COMMD10: variants seen among roughly 807,000 people sequenced by gnomAD.
COMMD10 encodes the protein COMM domain-containing protein 10.
COMMD10 carries 33 observed loss-of-function variants against 28.9 expected under a neutral mutation model. That is an observed-to-expected ratio of 1.14 (90% confidence interval 0.87 to 1.53). The LOEUF (loss-of-function observed/expected upper bound fraction) is 1.53, where lower values mean the gene tolerates loss of function less well. Ranked by LOEUF, COMMD10 falls within the 40% of genes most tolerant of loss-of-function variation. COMMD10 has a pLI of 0.00. For synonymous variants in COMMD10, 110 were observed against 81.7 expected (o/e 1.35, Z -1.87); for missense variants, 310 against 233.4 (o/e 1.33, Z -2.14).
At chr5:116,210,335 C>T (rs868141472) in intron 5 of COMMD10, among the ~76,000 whole-genome samples, 49 of 146,848 alleles carry the variant, frequency 3.3e-4, no homozygotes, top group African/African-American at 1.1e-3. Context: ...TATATATATA[C>T]ATATATATAC....
intron 5 of COMMD10, among the ~76,000 whole-genome samples, chr5:116,188,754 A>G (rs7717931): frequency 0.31 from 47,249 of 150,354 alleles, 10,231 homozygotes; most frequent in African/African-American, 0.62. Flanking sequence ...TCAGCCTCCC[A>G]AGTAGCTGAG....
chr5:116,118,877 G>C (rs1431361179), intron 4 of COMMD10, among the ~76,000 whole-genome samples: 2 of 152,148 alleles, frequency 1.3e-5, no homozygotes, highest in Admixed American at 6.6e-5. Context: ...TAAGTAATTG[G>C]CTGAAACCAG....
chr5:116,201,574 G>C (rs1450480791), intron 5 of COMMD10, among the ~76,000 whole-genome samples: 1 of 152,050 alleles, frequency 6.6e-6, no homozygotes, highest in African/African-American at 2.4e-5. Flanking sequence ...CCTATGACTT[G>C]ACTTCTCTTA....
intron 5 of COMMD10, among the ~76,000 whole-genome samples, chr5:116,151,271 T>C (rs1206283598): frequency 6.6e-6 from 1 of 152,030 alleles, no homozygotes. Flanking sequence ...CAGTATTTTA[T>C]TGAGGATTTT....
chr5:116,169,969 G>A (rs928196307), intron 5 of COMMD10, among the ~76,000 whole-genome samples: 9 of 152,082 alleles, frequency 5.9e-5, no homozygotes, highest in African/African-American at 2.2e-4. Flanking sequence ...ATTCATCATA[G>A]TATGGGAAGC....
At chr5:116,121,964 C>T (rs986142311) in intron 4 of COMMD10, among the ~76,000 whole-genome samples, 5 of 152,052 alleles carry the variant, frequency 3.3e-5, no homozygotes, top group African/African-American at 4.8e-5. Flanking sequence ...TTTCTTTTGT[C>T]ATGCAGAAGC....
At chr5:116,238,132 A>G (rs1749722248) in intron 5 of COMMD10, among the ~76,000 whole-genome samples, 1 of 152,158 alleles carries the variant, frequency 6.6e-6, no homozygotes, top group Non-Finnish European at 1.5e-5. Context: ...AACTGTTTAG[A>G]CCAATATGAA....
At position 116,091,198 on chromosome 5, in the gene COMMD10, A is replaced by G. The variant is rs1163896218; in HGVS notation, c.243+9A>G. Reference sequence around the variant, plus strand: ...CATTTATTTTAGAACAGGTATTTTTATTGCATCAAATTTTCTAGCCATGAT... The same window carrying G: ...CATTTATTTTAGAACAGGTATTTTTGTTGCATCAAATTTTCTAGCCATGAT... On this transcript the variant is annotated intron_variant, in intron 3 of 6. Coordinates refer to ENST00000274458, the MANE Select transcript of COMMD10 (RefSeq NM_016144.4). The G allele has an allele frequency of 7.0e-7, 1 of 1,420,254 alleles. No homozygotes were observed. The highest frequency in any genetic ancestry group is 9.9e-7 in the Non-Finnish European group (1 of 1,011,322). The allele number at this position is 1,420,254 out of a possible 1,614,324, so 88.0% of individuals were successfully genotyped here.
intron 5 of COMMD10, among the ~76,000 whole-genome samples, chr5:116,256,995 G>T (rs1750307033): frequency 6.6e-6 from 1 of 151,684 alleles, no homozygotes; most frequent in Non-Finnish European, 1.5e-5. Context: ...CAGCATAATA[G>T]CATCAAACAA....
chr5:116,167,005 G>T (rs563079774), intron 5 of COMMD10, among the ~76,000 whole-genome samples: 1 of 152,014 alleles, frequency 6.6e-6, no homozygotes, highest in Admixed American at 6.6e-5. Context: ...TGAGTTTGAC[G>T]AATTGACAGA....
At chr5:116,224,568 G>A (rs1351627125) in intron 5 of COMMD10, among the ~76,000 whole-genome samples, 5 of 152,124 alleles carry the variant, frequency 3.3e-5, no homozygotes, top group African/African-American at 4.8e-5. Context: ...GTCCGGGGCC[G>A]CGGTGCCGCA....
intron 5 of COMMD10, among the ~76,000 whole-genome samples, chr5:116,177,754 T>C (rs1398104294): frequency 6.6e-6 from 1 of 152,190 alleles, no homozygotes; most frequent in Non-Finnish European, 1.5e-5. Flanking sequence ...ACTTATATGC[T>C]ACCTTGTTTG....
At chr5:116,215,207 A>C (rs7735094) in intron 5 of COMMD10, among the ~76,000 whole-genome samples, 48,401 of 151,480 alleles carry the variant, frequency 0.32, 10,892 homozygotes, top group African/African-American at 0.65. Context: ...AAATGGGTAA[A>C]AAATTTGGGT....
At position 116,208,689 on chromosome 5, in the gene COMMD10, G is replaced by A. The variant is rs570497269; in HGVS notation, c.510+74511G>A. The stretch of plus-strand genomic sequence containing the variant: ...TTTCACTGTGTGAATAGACATAGAG[G>A]TGACCACACGTTTTTTTCTTGTCTT... On this transcript the variant is annotated intron_variant, in intron 5 of 6. Transcript: ENST00000274458. Among the ~76,000 whole-genome samples, 5 of 29,402 alleles carry A rather than the reference G, an allele frequency of 1.7e-4. No individual in the cohort carries two copies. In the South Asian group the frequency reaches 0.012, roughly 71 times the overall value. 19.3% of individuals were successfully genotyped at this position (29,402 alleles called of 152,430 possible).
chr5:116,137,093 C>G (rs879892294), intron 5 of COMMD10, among the ~76,000 whole-genome samples: 1 of 152,086 alleles, frequency 6.6e-6, no homozygotes, highest in African/African-American at 2.4e-5. Context: ...CTCTTTTCCT[C>G]AATGAACTGC....
intron 4 of COMMD10, among the ~76,000 whole-genome samples, chr5:116,125,093 G>T (rs138801608): frequency 5.7e-4 from 87 of 152,100 alleles, no homozygotes; most frequent in Non-Finnish European, 1.1e-3. Context: ...TGATCCTGTC[G>T]TTATGATGTT....
Position 116,271,807 on chromosome 5 carries a change from A to G in COMMD10, c.511-19710A>G, listed in dbSNP as rs532011463. On this transcript the variant is annotated intron_variant, in intron 5 of 6. Coordinates refer to ENST00000274458, the MANE Select transcript of COMMD10 (RefSeq NM_016144.4). ...AACTCTTAGGCCATTATTTCCCCCT[A>G]CTTTACATAATATTGCTCCATACAA... 9.2e-5 allele frequency among the ~76,000 whole-genome samples: 14 copies of G among 151,920 alleles called. 1 individual carries two copies. The highest frequency in any genetic ancestry group is 2.1e-4 in the South Asian group (1 of 4,820).
intron 5 of COMMD10, among the ~76,000 whole-genome samples, chr5:116,147,453 T>C (rs1220844280): frequency 3.3e-5 from 5 of 151,924 alleles, no homozygotes; most frequent in Admixed American, 2.6e-4. Flanking sequence ...TTCCTAAGTA[T>C]AATCAATGAA....
intron 5 of COMMD10, among the ~76,000 whole-genome samples, chr5:116,146,332 G>T (rs1392032682): frequency 6.6e-6 from 1 of 151,802 alleles, no homozygotes; most frequent in African/African-American, 2.4e-5. Context: ...ATTTCATAAT[G>T]AGCCCATTAC....
Sources: gnomAD v4.1 joint callset for allele counts (sites outside exome capture counted in the v4.1 genomes callset) on GRCh38, gnomAD v4.1.1 for gene constraint, MANE v1.5 for transcripts, NCBI Gene and HGNC (gene_info 2026-07-23, HGNC 2026-07-21) for gene names.